The following ZNF814 variants were observed in gnomAD, a reference collection of about 807,000 sequenced individuals.
ZNF814 encodes zinc finger protein 814.
A neutral mutation model predicts 7.5 loss-of-function variants in ZNF814; 5 were observed. The ratio of observed to expected loss-of-function variants is 0.67; its 90% CI spans 0.35 to 1.40. The LOEUF is 1.40. Among genes scored for constraint, ZNF814 ranks in the 40% most tolerant of loss-of-function variants. The pLI is 0.04. For synonymous variants in ZNF814, 315 were observed against 340.7 expected (o/e 0.92, Z 0.83); for missense variants, 962 against 1,018.0 (o/e 0.94, Z 0.75).
At chr19:57,887,756 T>C (rs1415355335) in intron 1 of ZNF814, among the ~76,000 whole-genome samples, 1 of 152,176 alleles carries the variant, frequency 6.6e-6, no homozygotes, top group African/African-American at 2.4e-5. Flanking sequence ...GATAAGGGAC[T>C]GGGAACAAAC....
At chr19:57,898,673 G>A in the ZNF814 span, among the ~76,000 whole-genome samples, 1 of 152,220 alleles carries the variant, frequency 6.6e-6, no homozygotes, top group South Asian at 2.1e-4. Flanking sequence ...GACGGACGCG[G>A]TGGCTCACGC....
chr19:57,889,716 T>G (rs1284684065), upstream of ZNF814, among the ~76,000 whole-genome samples: 1 of 151,638 alleles, frequency 6.6e-6, no homozygotes, highest in Non-Finnish European at 1.5e-5. Context: ...AATACAAAAA[T>G]TAACCCACAT....
intron 1 of ZNF814, among the ~76,000 whole-genome samples, chr19:57,887,706 G>A (rs1384232220): frequency 6.6e-6 from 1 of 152,070 alleles, no homozygotes; most frequent in Admixed American, 6.6e-5. Flanking sequence ...GTTAACTTGT[G>A]TAAGCAGATT....
Position 57,878,019 on chromosome 19 carries a change from A to G in ZNF814, c.37-977T>C, listed in dbSNP as rs895316901. 7.9e-5 allele frequency among the ~76,000 whole-genome samples: 12 copies of G among 152,020 alleles called. No individual in the cohort carries two copies. In the South Asian group the frequency reaches 1.7e-3, roughly 21 times the overall value. On this transcript the variant is annotated intron_variant, in intron 1 of 2. Coordinates refer to ENST00000435989, the MANE Select transcript of ZNF814 (RefSeq NM_001144989.2). The stretch of plus-strand genomic sequence containing the variant: ...GGCTCTACTAAAAATACAAAAAATT[A>G]GCTGAGCGTGGTGTCGGGCGCCTGT...
rs2071554437 is a variant in ZNF814 at position 57,871,198 on chromosome 19, A to G, written c.*1624T>C. 1 of 152,226 alleles carries G rather than the reference A, an allele frequency of 6.6e-6. No individual in the cohort carries two copies. Among genetic ancestry groups the G allele is most frequent in the South Asian group, 2.1e-4 (1 of 4,836 alleles). The allele number at this position is 152,226 out of a possible 1,614,324, so 9.4% of individuals were successfully genotyped here. On this transcript the variant is annotated 3_prime_UTR_variant, in exon 3 of 3. Transcript: ENST00000435989. ...CCCTCAGCCGTACCAAGTACAATGCAATATACCTCGTAAAAGAATTTTGTC... is the reference window on the plus strand; with the variant it reads ...CCCTCAGCCGTACCAAGTACAATGCGATATACCTCGTAAAAGAATTTTGTC...
At chr19:57,905,113 T>C in the ZNF814 span, among the ~76,000 whole-genome samples, 1 of 128,114 alleles carries the variant, frequency 7.8e-6, no homozygotes, top group Admixed American at 8.2e-5. Context: ...CTGAAGAAAA[T>C]GATGCTGGGG....
intron 1 of ZNF814, among the ~76,000 whole-genome samples, chr19:57,877,890 C>T (rs867949609): frequency 3.9e-5 from 6 of 152,104 alleles, no homozygotes; most frequent in South Asian, 2.1e-4. Flanking sequence ...TTGAGCCAGG[C>T]GCGGTGGCTC....
At chr19:57,901,049 C>CAT in the ZNF814 span, among the ~76,000 whole-genome samples, 21 of 147,172 alleles carry the variant, frequency 1.4e-4, no homozygotes, top group African/African-American at 4.6e-4. Context: ...GGGGTTTCAC[C>CAT]GTGGTCTTGA....
At chr19:57,902,043 G>A in the ZNF814 span, among the ~76,000 whole-genome samples, 1 of 152,090 alleles carries the variant, frequency 6.6e-6, no homozygotes, top group South Asian at 2.1e-4. Flanking sequence ...CTTACAAATT[G>A]GCACACAAGT....
rs80215917 is a variant in ZNF814, at chr19:57,871,785, G to C, written c.*1037C>G. On this transcript the variant is annotated 3_prime_UTR_variant, in exon 3 of 3. Coordinates refer to ENST00000435989, the MANE Select transcript of ZNF814 (RefSeq NM_001144989.2). ...CTGAAGCTACTCAACAAATCCTTCT[G>C]TGACTCGATCAGAAATTAAAAGTTA... 1 of 146,248 alleles carries C rather than the reference G, an allele frequency of 6.8e-6. No homozygotes were observed. Among genetic ancestry groups the C allele is most frequent in the East Asian group, 2.0e-4 (1 of 4,972 alleles). The allele number at this position is 146,248 out of a possible 1,614,324, so 9.1% of individuals were successfully genotyped here.
rs947192005 is a variant in ZNF814, at chr19:57,875,117, G to A, written c.273C>T (p.Ala91=). Residue 91 remains alanine, a synonymous_variant, in exon 3 of 3, where the codon GCC becomes GCT. Coordinates refer to ENST00000435989, the MANE Select transcript of ZNF814 (RefSeq NM_001144989.2). The part of the protein sequence containing the change: ...TPMAGVSPKK[A]HPCEMCGPIL... ...TCGGGCCACACATCTCACAGGGGTGGGCCTTCTTGGGAGACACACCTGCCA... is the reference window on the plus strand; with the variant it reads ...TCGGGCCACACATCTCACAGGGGTGAGCCTTCTTGGGAGACACACCTGCCA... 2.7e-5 allele frequency: 42 copies of A among 1,561,214 alleles called. No individual in the cohort carries two copies. The African/African-American group carries it at 3.8e-4, about 14-fold the overall frequency.
rs759485120 is a variant in ZNF814 at position 57,872,864 on chromosome 19, G to A, written c.2526C>T (p.His842=). The A allele has an allele frequency of 1.1e-5, 17 of 1,611,850 alleles. No homozygotes were observed. Among genetic ancestry groups the A allele is most frequent in the Admixed American group, 1.7e-5 (1 of 59,622 alleles). The change falls in exon 3 of 3, where the codon CAC becomes CAT. Residue 842 remains histidine (H), a synonymous_variant. Transcript: ENST00000435989. ...AGTGTGAACTCTGGTGTACAAGGAG[G>A]TGAGACTTCTTGTTAAATAATTTCC... The part of the protein sequence containing the change: ...KCGKLFNKKS[H]LLVHQSSHWR...
chr19:57,876,688 T>C, intron 2 of ZNF814: 2 of 608,192 alleles, frequency 3.3e-6, no homozygotes, highest in Non-Finnish European at 2.7e-6. Flanking sequence ...GGTGGGCTTC[T>C]GACTGGGAAT....
intron 1 of ZNF814, among the ~76,000 whole-genome samples, chr19:57,878,617 C>A (rs898361498): frequency 6.6e-5 from 10 of 152,034 alleles, no homozygotes; most frequent in African/African-American, 2.4e-4. Context: ...TACCACCATG[C>A]CCAGCTAATT....
rs78689126 is a variant in ZNF814 at position 57,880,635 on chromosome 19, C to T, written c.37-3593G>A. Among the ~76,000 whole-genome samples, 253 of 124,164 alleles carry T rather than the reference C, an allele frequency of 2.0e-3. 3 individuals carry two copies. The highest frequency in any genetic ancestry group is 3.8e-3 in the Middle Eastern group (1 of 264). 81.5% of individuals were successfully genotyped at this position (124,164 alleles called of 152,430 possible). A position where few individuals can be genotyped will look rare whatever the true frequency, so the allele number is the denominator to read the frequency against. On this transcript the variant is annotated intron_variant, in intron 1 of 2. Transcript: ENST00000435989. The stretch of plus-strand genomic sequence containing the variant: ...TTTCTTTTTTTTTTTAAGAGAGAGT[C>T]TCGCTCTGTCACCAGGGCTGGAGTC...
upstream of ZNF814, among the ~76,000 whole-genome samples, chr19:57,893,265 C>T (rs2122483119): frequency 6.6e-6 from 1 of 151,580 alleles, no homozygotes; most frequent in African/African-American, 2.4e-5. Flanking sequence ...CCTCCGCCTC[C>T]TGGGTTCAAA....
Position 57,888,812 on chromosome 19 carries a change from T to C in ZNF814, c.-10A>G, listed in dbSNP as rs1260577034. ...TAGCCGCGGCAGCCATCGAACCACG[T>C]GGTTTTAAGCAGAGTCGGGAGGATA... is the stretch of plus-strand genomic sequence containing the variant. On this transcript the variant is annotated 5_prime_UTR_variant, in exon 1 of 3. Transcript: ENST00000435989. 6.4e-7 allele frequency: 1 copy of C among 1,551,520 alleles called. No individual in the cohort carries two copies. The highest frequency in any genetic ancestry group is 1.4e-5 in the African/African-American group (1 of 72,970).
upstream of ZNF814, among the ~76,000 whole-genome samples, chr19:57,892,518 G>A (rs1377941617): frequency 2.0e-5 from 3 of 152,190 alleles, no homozygotes; most frequent in Non-Finnish European, 4.4e-5. Flanking sequence ...GTCCCTCTTG[G>A]CTAGGAATGG....
At chr19:57,892,175 C>T (rs965692269), upstream of ZNF814, among the ~76,000 whole-genome samples, 2 of 152,234 alleles carry the variant, frequency 1.3e-5, no homozygotes, top group Non-Finnish European at 2.9e-5. Flanking sequence ...GGCTGTGTCA[C>T]AGGCCATGGT....
Sources: gnomAD v4.1 joint callset for allele counts (sites outside exome capture counted in the v4.1 genomes callset) on GRCh38, gnomAD v4.1.1 for gene constraint, MANE v1.5 for transcripts, NCBI Gene and HGNC (gene_info 2026-07-23, HGNC 2026-07-21) for gene names.